Variants in ESRRB observed in about 807,000 individuals in gnomAD.
The protein encoded by ESRRB is steroid hormone receptor ERR2.
In ESRRB, 16 loss-of-function variants were observed where a neutral mutation model predicts 46.0. That is an observed-to-expected ratio of 0.35 (90% CI 0.24 to 0.53). The LOEUF (loss-of-function observed/expected upper bound fraction) is 0.53. Among genes scored for constraint, ESRRB ranks in the 20% least tolerant of loss-of-function variants. The pLI, the probability that ESRRB is intolerant of heterozygous loss-of-function variation, is 0.93. For missense variants in ESRRB, 488 were observed against 607.4 expected, an observed-to-expected ratio of 0.80 and a Z score of 2.07; for synonymous variants, 246 against 259.6, an observed-to-expected ratio of 0.95 and a Z score of 0.50.
chr14:76,459,263 C>T (rs1375536466), intron 2 of ESRRB, among the ~76,000 whole-genome samples: 1 of 152,028 alleles, frequency 6.6e-6, no homozygotes, highest in Non-Finnish European at 1.5e-5. Context: ...CCAGTGTGAG[C>T]TCCCCGTGTG....
chr14:76,457,801 T>C (rs1888675517), intron 2 of ESRRB, among the ~76,000 whole-genome samples: 1 of 152,124 alleles, frequency 6.6e-6, no homozygotes, highest in Non-Finnish European at 1.5e-5. Flanking sequence ...GCCTTCCGAA[T>C]AGCTAAGATT....
At chr14:76,478,664 C>T (rs534640359) in intron 3 of ESRRB, among the ~76,000 whole-genome samples, 1 of 151,988 alleles carries the variant, frequency 6.6e-6, no homozygotes, top group South Asian at 2.1e-4. Flanking sequence ...TGAGGTGGAC[C>T]GTTTTCACTT....
At chr14:76,467,604 G>C (rs562108981) in intron 3 of ESRRB, among the ~76,000 whole-genome samples, 40 of 152,062 alleles carry the variant, frequency 2.6e-4, no homozygotes, top group Non-Finnish European at 4.6e-4. Flanking sequence ...AGGCAGACTG[G>C]TGTCTGGCCA....
intron 2 of ESRRB, among the ~76,000 whole-genome samples, chr14:76,441,191 G>A (rs114421568): frequency 5.9e-5 from 9 of 152,278 alleles, no homozygotes; most frequent in African/African-American, 1.2e-4. Context: ...TAGCTAGAAC[G>A]ACAGTCGCTG....
At chr14:76,324,853 C>T (rs1883908516) in intron 1 of ESRRB, among the ~76,000 whole-genome samples, 1 of 152,126 alleles carries the variant, frequency 6.6e-6, no homozygotes, top group African/African-American at 2.4e-5. Flanking sequence ...CTACAATTGC[C>T]TTCCTACAGG....
At chr14:76,329,609 C>G (rs1055636931) in intron 1 of ESRRB, among the ~76,000 whole-genome samples, 3 of 152,056 alleles carry the variant, frequency 2.0e-5, no homozygotes, top group South Asian at 4.2e-4. Context: ...ATTAAATCAC[C>G]GAGGTGCCCA....
At position 76,482,615 on chromosome 14, in the gene ESRRB, T is replaced by C; in HGVS notation, c.706T>C (p.Tyr236His). 2 of 1,614,136 alleles carry C rather than the reference T, an allele frequency of 1.2e-6. No individual in the cohort carries two copies. The highest frequency in any genetic ancestry group is 1.7e-6 in the Non-Finnish European group (2 of 1,180,002). The change falls in exon 5 of 7, where the codon TAC (tyrosine) becomes CAC (histidine). Residue 236 changes from tyrosine to histidine, a missense_variant. Physicochemically the swap from Tyr to His is moderately conservative, Grantham distance 83 (BLOSUM62 2). Coordinates refer to ENST00000644823, the MANE Select transcript of ESRRB (RefSeq NM_001379180.1). This position sits in a 1 kb window ranked among gnomAD's most constrained non-coding sequence, Gnocchi z 4.3. The part of the protein sequence containing the change: ...AKKPLTKIVS[Y>H]LLVAEPDKLY... ...TGTTGCAGTGACCAAGATTGTCTCA[T>C]ACCTACTGGTGGCTGAGCCGGACAA...
chr14:76,440,723 TTC>T (rs558753089), intron 2 of ESRRB, among the ~76,000 whole-genome samples: 27 of 149,732 alleles, frequency 1.8e-4, no homozygotes, highest in Non-Finnish European at 1.8e-4. Context: ...CTCTCTCTCT[TTC>T]TCTCTCTCTC....
In ESRRB at chr14:76,404,014, C is replaced by T. The variant is rs548835464; in HGVS notation, c.50+27563C>T. ...GATTACAGGCGTGAGCCACCATGCC[C>T]GGCTGGGAGCAGGACCTTCTTGTGC... On this transcript the variant is annotated intron_variant, in intron 1 of 6. Coordinates refer to ENST00000644823, the MANE Select transcript of ESRRB (RefSeq NM_001379180.1). Among the ~76,000 whole-genome samples, 49 of 152,334 alleles carry T rather than the reference C, an allele frequency of 3.2e-4. No individual in the cohort carries two copies. The East Asian group carries it at 5.6e-3, about 17-fold the overall frequency.
chr14:76,431,571 A>G (rs1887447474), intron 1 of ESRRB, among the ~76,000 whole-genome samples: 1 of 152,170 alleles, frequency 6.6e-6, no homozygotes, highest in Non-Finnish European at 1.5e-5. Context: ...GCTACTGAGA[A>G]GGCCCAGGGC....
intron 1 of ESRRB, among the ~76,000 whole-genome samples, chr14:76,404,061 G>A (rs1199825468): frequency 3.9e-5 from 6 of 152,130 alleles, no homozygotes; most frequent in Admixed American, 3.9e-4. Flanking sequence ...GTGTGACTTG[G>A]ACAAGTCTAC....
intron 2 of ESRRB, among the ~76,000 whole-genome samples, chr14:76,456,539 G>T (rs1284775492): frequency 6.6e-6 from 1 of 152,170 alleles, no homozygotes. Flanking sequence ...AGGATGAAAA[G>T]GATCTTAGGG....
intron 3 of ESRRB, among the ~76,000 whole-genome samples, chr14:76,467,500 CAAA>C (rs397709875): frequency 3.2e-4 from 29 of 91,696 alleles, no homozygotes; most frequent in African/African-American, 6.4e-4. Context: ...GCCTCTGTCT[CAAA>C]AAAAAAAAAA....
intron 3 of ESRRB, among the ~76,000 whole-genome samples, chr14:76,464,003 G>A (rs924895956): frequency 9.9e-5 from 15 of 152,248 alleles, no homozygotes; most frequent in African/African-American, 1.9e-4. Context: ...ATGCCCAGCC[G>A]ATGTTTTCAG....
At chr14:76,317,476 T>C (rs1286073631) in intron 1 of ESRRB, among the ~76,000 whole-genome samples, 1 of 152,076 alleles carries the variant, frequency 6.6e-6, no homozygotes, top group African/African-American at 2.4e-5. Context: ...TATATTAAAA[T>C]TGTGGACTTT....
At chr14:76,390,783 C>T (rs144045856) in intron 1 of ESRRB, among the ~76,000 whole-genome samples, 2 of 152,248 alleles carry the variant, frequency 1.3e-5, no homozygotes, top group Non-Finnish European at 1.5e-5. Flanking sequence ...AGGGGAAAGG[C>T]GCTGATGGAG....
At chr14:76,344,515 T>C (rs907757603) in intron 1 of ESRRB, among the ~76,000 whole-genome samples, 14 of 151,824 alleles carry the variant, frequency 9.2e-5, no homozygotes, top group African/African-American at 3.4e-4. Flanking sequence ...AGTGAGAACA[T>C]ATGATGTTTG....
intron 1 of ESRRB, among the ~76,000 whole-genome samples, chr14:76,358,265 T>C (rs886274146): frequency 6.8e-6 from 1 of 147,254 alleles, no homozygotes; most frequent in African/African-American, 2.5e-5. Flanking sequence ...TGAGCCAAGA[T>C]TGCGCCACTG....
In ESRRB at chr14:76,490,725, G is replaced by C. The variant is rs370246979; in HGVS notation, c.851-722G>C. Among the ~76,000 whole-genome samples, 37 of 152,312 alleles carry C rather than the reference G, an allele frequency of 2.4e-4. No homozygotes were observed. In the East Asian group the frequency reaches 4.2e-3, roughly 17 times the overall value. ...ATCAGCCTCCTCAAATAGCAGGGAG[G>C]GGGGAACTAGCATGATTCCAAGCTC... On this transcript the variant is annotated intron_variant, in intron 5 of 6. Coordinates refer to ENST00000644823, the MANE Select transcript of ESRRB (RefSeq NM_001379180.1).
Sources: allele counts gnomAD v4.1 joint callset (sites outside exome capture counted in the v4.1 genomes callset), GRCh38; gene constraint gnomAD v4.1.1; non-coding constraint Gnocchi (gnomAD v3.1); transcripts MANE v1.5; gene names NCBI Gene and HGNC (gene_info 2026-07-23, HGNC 2026-07-21).